KLHL1: variants seen among roughly 807,000 people sequenced by gnomAD.
The protein encoded by KLHL1 is kelch like family member 1.
KLHL1 carries 47 observed loss-of-function variants against 77.7 expected under a neutral mutation model. The ratio of observed to expected loss-of-function variants is 0.60; its 90% CI spans 0.48 to 0.77. The LOEUF is 0.77. Ranked by LOEUF, KLHL1 falls within the 30% of genes least tolerant of loss-of-function variation. The probability of loss-of-function intolerance (pLI) is 0.00; values close to 1 mark genes in which losing one functional copy is unlikely to be tolerated. For synonymous variants in KLHL1, 360 were observed against 325.2 expected (o/e 1.11, Z -1.15); for missense variants, 925 against 910.8 (o/e 1.02, Z -0.20).
At chr13:69,787,893 A>G (rs891058516) in intron 7 of KLHL1, among the ~76,000 whole-genome samples, 58 of 152,376 alleles carry the variant, frequency 3.8e-4, no homozygotes, top group Admixed American at 1.6e-3. Context: ...GCAGCCAAAA[A>G]ACACATGAAA....
chr13:69,982,299 G>T (rs1884733504), intron 1 of KLHL1, among the ~76,000 whole-genome samples: 1 of 151,568 alleles, frequency 6.6e-6, no homozygotes, highest in Non-Finnish European at 1.5e-5. Context: ...AGCCAGGCAT[G>T]GTGGTGTGCA....
rs113252418 is a variant in KLHL1, at chr13:70,012,783, C to T, written c.498-36981G>A. ...AAAATTAGCCAGGCATGGTGGTGGG[C>T]GCCTGTAGTCCTGGGAGGCTGAGGC... On this transcript the variant is annotated intron_variant, in intron 1 of 10. Transcript: ENST00000377844. Among the ~76,000 whole-genome samples, 540 of 151,868 alleles carry T rather than the reference C, an allele frequency of 3.6e-3. 4 individuals carry two copies. Among genetic ancestry groups the T allele is most frequent in the African/African-American group, 0.012 (508 of 41,428 alleles).
At chr13:69,980,558 T>C (rs1416761260) in intron 1 of KLHL1, among the ~76,000 whole-genome samples, 1 of 152,184 alleles carries the variant, frequency 6.6e-6, no homozygotes, top group Non-Finnish European at 1.5e-5. Flanking sequence ...CACACACATA[T>C]TTTTCTGTAC....
Position 70,107,790 on chromosome 13 carries a change from G to A in KLHL1, c.-91C>T, listed in dbSNP as rs959783050. On this transcript the variant is annotated 5_prime_UTR_variant, in exon 1 of 11. Transcript: ENST00000377844. ...AGGACAGCGGGGCCCGGGGGCGGAG[G>A]AAGAGGCGGGATGCGCCCTCTGCAC... 1.1e-5 allele frequency: 11 copies of A among 981,582 alleles called. No individual in the cohort carries two copies. In the African/African-American group the frequency reaches 1.3e-4, roughly 12 times the overall value. The allele number at this position is 981,582 out of a possible 1,614,324, so 60.8% of individuals were successfully genotyped here.
intron 8 of KLHL1, among the ~76,000 whole-genome samples, chr13:69,734,019 G>T (rs974504969): frequency 6.6e-6 from 1 of 152,106 alleles, no homozygotes; most frequent in African/African-American, 2.4e-5. Flanking sequence ...GACAGAGTTT[G>T]GATGTGTGTC....
intron 4 of KLHL1, among the ~76,000 whole-genome samples, chr13:69,916,982 A>G (rs1183544661): frequency 1.3e-5 from 2 of 152,102 alleles, no homozygotes; most frequent in East Asian, 3.9e-4. Context: ...AGTATAAGAA[A>G]AAATATGAAA....
intron 7 of KLHL1, among the ~76,000 whole-genome samples, chr13:69,749,805 A>C (rs1398081359): frequency 2.0e-5 from 3 of 151,966 alleles, no homozygotes; most frequent in Non-Finnish European, 4.4e-5. Flanking sequence ...CAATGCAACC[A>C]AATTAATTTG....
intron 5 of KLHL1, among the ~76,000 whole-genome samples, chr13:69,868,351 T>C (rs951625467): frequency 1.3e-5 from 2 of 151,956 alleles, no homozygotes; most frequent in African/African-American, 4.8e-5. Flanking sequence ...CATGGTAAAA[T>C]CATTAATGGT....
chr13:69,821,778 C>T (rs1453596480), intron 6 of KLHL1, among the ~76,000 whole-genome samples: 2 of 152,192 alleles, frequency 1.3e-5, no homozygotes, highest in Admixed American at 6.5e-5. Context: ...CCCGTTTTTA[C>T]TTTATACTTC....
At chr13:70,000,862 TAAA>T (rs1310640788) in intron 1 of KLHL1, among the ~76,000 whole-genome samples, 5 of 139,846 alleles carry the variant, frequency 3.6e-5, no homozygotes, top group African/African-American at 1.4e-4. Context: ...TAAAATCAAA[TAAA>T]AAGAATGAGG....
At chr13:70,018,440 A>G (rs914530215) in intron 1 of KLHL1, among the ~76,000 whole-genome samples, 2 of 152,194 alleles carry the variant, frequency 1.3e-5, no homozygotes, top group Admixed American at 1.3e-4. Flanking sequence ...ACACACCAAA[A>G]GTAATAAGGA....
intron 5 of KLHL1, among the ~76,000 whole-genome samples, chr13:69,877,174 A>G (rs1408474833): frequency 6.6e-6 from 1 of 152,210 alleles, no homozygotes; most frequent in Non-Finnish European, 1.5e-5. Context: ...GTAGAATTAT[A>G]GTCTCTTGAT....
intron 7 of KLHL1, among the ~76,000 whole-genome samples, chr13:69,760,822 C>T (rs1184465713): frequency 6.6e-6 from 1 of 152,132 alleles, no homozygotes; most frequent in Non-Finnish European, 1.5e-5. Context: ...TTTAAATGCA[C>T]TTTTTAAAAT....
At chr13:69,881,250 GT>G (rs1404446795) in intron 5 of KLHL1, among the ~76,000 whole-genome samples, 1 of 151,738 alleles carries the variant, frequency 6.6e-6, no homozygotes, top group Non-Finnish European at 1.5e-5. Flanking sequence ...ACGGTAATGT[GT>G]TTCTAACTTT....
intron 5 of KLHL1, among the ~76,000 whole-genome samples, chr13:69,855,923 TATTA>T (rs1231183894): frequency 3.6e-5 from 5 of 140,116 alleles, no homozygotes; most frequent in Non-Finnish European, 7.6e-5. Flanking sequence ...TGTTATAACA[TATTA>T]ATATGCATGT....
chr13:70,037,419 C>T (rs146555937), intron 1 of KLHL1, among the ~76,000 whole-genome samples: 1 of 152,112 alleles, frequency 6.6e-6, no homozygotes, highest in East Asian at 1.9e-4. Context: ...GCAATTCTGG[C>T]CTGAACATTT....
chr13:70,019,190 C>G (rs576554898), intron 1 of KLHL1, among the ~76,000 whole-genome samples: 2 of 152,174 alleles, frequency 1.3e-5, no homozygotes, highest in East Asian at 3.9e-4. Context: ...GAAAGGTTGT[C>G]TCTGTGTTAT....
intron 5 of KLHL1, among the ~76,000 whole-genome samples, chr13:69,848,133 G>A (rs3012101): frequency 0.93 from 141,576 of 151,484 alleles, 66,386 homozygotes; most frequent in East Asian, 0.99. Context: ...CTGTACAAGC[G>A]AAAACAGAAA....
rs180725391 is a variant in KLHL1, at chr13:69,707,820, A to G, written c.2016-24T>C. ...ATCTAAAATTCAATGACAATAGTAC[A>G]TAACATATTCTAATCACATTCAACT... On this transcript the variant is annotated intron_variant, in intron 9 of 10. Transcript: ENST00000377844. 1.4e-5 allele frequency: 23 copies of G among 1,588,676 alleles called. No homozygotes were observed. In the Admixed American group the frequency reaches 3.6e-4, roughly 25 times the overall value.
Sources: gnomAD v4.1 joint callset for allele counts (sites outside exome capture counted in the v4.1 genomes callset) on GRCh38, gnomAD v4.1.1 for gene constraint, MANE v1.5 for transcripts, NCBI Gene and HGNC (gene_info 2026-07-23, HGNC 2026-07-21) for gene names.